Variants in CCDC33 observed in about 807,000 individuals in gnomAD.
CCDC33 encodes coiled-coil domain-containing protein 33.
In CCDC33, 94 loss-of-function variants were observed where a neutral mutation model predicts 91.9. That is an observed-to-expected ratio of 1.02 (90% CI 0.87 to 1.21). The LOEUF is 1.21. Among genes scored for constraint, CCDC33 ranks in the 50% most tolerant of loss-of-function variants. The pLI is 0.00. For synonymous variants in CCDC33, 396 were observed against 374.5 expected (o/e 1.06, Z -0.66); for missense variants, 940 against 935.5 (o/e 1.00, Z -0.06).
Position 74,247,751 on chromosome 15 carries a change from A to C in CCDC33, c.185+3603A>C, listed in dbSNP as rs138783097. ...AGTTTTGGGATGAGTAATTCTGGGG[A>C]TTTAATATGCAGCAGGTGACTCTAG... On this transcript the variant is annotated intron_variant, in intron 2 of 18. Transcript: ENST00000398814. Among the ~76,000 whole-genome samples the C allele has an allele frequency of 3.7e-4, 56 of 152,226 alleles. 3 individuals are homozygous for C. The highest frequency in any genetic ancestry group is 1.3e-3 in the African/African-American group (56 of 41,532).
In CCDC33 at chr15:74,236,505, C is replaced by A. The variant is rs1195626323; in HGVS notation, c.-215C>A. The A allele has an allele frequency of 2.4e-6, 1 of 410,958 alleles. No homozygotes were observed. The highest frequency in any genetic ancestry group is 4.3e-5 in the East Asian group (1 of 23,326). 25.5% of individuals were successfully genotyped at this position (410,958 alleles called of 1,614,324 possible). A position where few individuals can be genotyped will look rare whatever the true frequency, so the allele number is the denominator to read the frequency against. On this transcript the variant is annotated 5_prime_UTR_variant, in exon 1 of 19. Transcript: ENST00000398814. ...CTGAGAGATCCAGGACCTGCTCCCA[C>A]CTGGCCACCCTCCCCCTCCCCCCAC...
In CCDC33 at chr15:74,268,434, C is replaced by A; in HGVS notation, c.522C>A (p.Ile174=). The A allele has an allele frequency of 6.5e-7, 1 of 1,546,850 alleles. No individual in the cohort carries two copies. Among genetic ancestry groups the A allele is most frequent in the Non-Finnish European group, 8.7e-7 (1 of 1,145,850 alleles). ...VRKSSFIPRY[I]GCNHMALEIF... ...AGAGCAGCTTCATACCCCGCTACAT[C>A]GGCTGCAACCACATGGCTCTGGAGG... The change falls in exon 5 of 19, where the codon ATC becomes ATA. Residue 174 remains isoleucine, a synonymous_variant. Coordinates refer to ENST00000398814, the MANE Select transcript of CCDC33 (RefSeq NM_025055.5).
chr15:74,238,223 C>T (rs2075239733), intron 1 of CCDC33, among the ~76,000 whole-genome samples: 1 of 152,102 alleles, frequency 6.6e-6, no homozygotes, highest in African/African-American at 2.4e-5. Context: ...GTCTGGCCAA[C>T]ATGGTGAAAC....
intron 11 of CCDC33, chr15:74,299,834 T>A (rs1206833424): frequency 6.6e-6 from 1 of 152,400 alleles, no homozygotes; most frequent in African/African-American, 2.4e-5. Flanking sequence ...GTCTCCCAAC[T>A]CATCATTTCT....
upstream of CCDC33, among the ~76,000 whole-genome samples, chr15:74,233,209 G>A (rs1181350648): frequency 1.3e-5 from 2 of 152,228 alleles, no homozygotes; most frequent in South Asian, 2.1e-4. Flanking sequence ...GGAGCTGCAA[G>A]TTCACTCCTG....
chr15:74,311,629 T>C (rs1156552676), intron 11 of CCDC33: 2 of 151,912 alleles, frequency 1.3e-5, no homozygotes, highest in Non-Finnish European at 2.9e-5. Flanking sequence ...AAGCTGGTGT[T>C]AGGGGATTTG....
intron 11 of CCDC33, chr15:74,302,292 A>G (rs989141162): frequency 1.3e-5 from 2 of 152,218 alleles, no homozygotes; most frequent in African/African-American, 4.8e-5. Flanking sequence ...GCCCCAGATC[A>G]TGAGTGCAGA....
intron 1 of CCDC33, chr15:74,207,683 G>A: frequency 6.5e-7 from 1 of 1,534,692 alleles, no homozygotes; most frequent in Non-Finnish European, 8.7e-7. Context: ...TGGGGGGATG[G>A]CCACTGTGCC....
chr15:74,228,609 C>A (rs899758111), intron 2 of CCDC33, among the ~76,000 whole-genome samples: 1 of 152,210 alleles, frequency 6.6e-6, no homozygotes, highest in Non-Finnish European at 1.5e-5. Flanking sequence ...CACTCCTTAC[C>A]CCACCCGGAA....
chr15:74,217,581 G>T, exon 1 of CCDC33: 1 of 1,230,014 alleles, frequency 8.1e-7, no homozygotes, highest in Non-Finnish European at 1.0e-6. Context: ...TTTGCCCAAA[G>T]GTATGAAGTA....
At chr15:74,335,306 A>G (rs2060543111) in intron 18 of CCDC33, 1 of 617,042 alleles carries the variant, frequency 1.6e-6, no homozygotes, top group Middle Eastern at 4.3e-4. Context: ...CCCTGCCAAA[A>G]CTACCCTTTC....
At position 74,244,949 on chromosome 15, in the gene CCDC33, C is replaced by A. The variant is rs117214737; in HGVS notation, c.185+801C>A. Among the ~76,000 whole-genome samples the A allele has an allele frequency of 1.3e-5, 2 of 152,186 alleles. No individual in the cohort carries two copies. The highest frequency in any genetic ancestry group is 4.8e-5 in the African/African-American group (2 of 41,454). ...TCCCCTCCCCCACCAATACTGGCAC[C>A]ATTCAGTTCCTGCCAAGAGTCTGTT... On this transcript the variant is annotated intron_variant, in intron 2 of 18. Coordinates refer to ENST00000398814, the MANE Select transcript of CCDC33 (RefSeq NM_025055.5). The surrounding 1 kb of genome is among the most constrained non-coding windows in gnomAD (Gnocchi z 4.2).
intron 11 of CCDC33, among the ~76,000 whole-genome samples, chr15:74,327,896 T>C (rs561737531): frequency 5.3e-5 from 8 of 152,262 alleles, no homozygotes; most frequent in African/African-American, 1.9e-4. Flanking sequence ...TGTGTCAGTA[T>C]AATAAAATCT....
chr15:74,289,720 G>T (rs1197585766), intron 10 of CCDC33, among the ~76,000 whole-genome samples: 1 of 152,138 alleles, frequency 6.6e-6, no homozygotes, highest in East Asian at 1.9e-4. Context: ...TTGGGAGATT[G>T]AGTCTACAGT....
At chr15:74,228,152 G>T (rs552352373) in intron 2 of CCDC33, among the ~76,000 whole-genome samples, 16 of 152,316 alleles carry the variant, frequency 1.1e-4, no homozygotes, top group Non-Finnish European at 1.9e-4. Context: ...CAGTCCCTGG[G>T]TATAGAAGGG....
chr15:74,254,256 C>T (rs1485652975), intron 2 of CCDC33, among the ~76,000 whole-genome samples: 1 of 152,186 alleles, frequency 6.6e-6, no homozygotes, highest in Non-Finnish European at 1.5e-5. Context: ...TGGTCTCGAA[C>T]TCCTGACTTC....
At chr15:74,213,424 A>G (rs906729597), upstream of CCDC33, 2 of 152,206 alleles carry the variant, frequency 1.3e-5, no homozygotes, top group Non-Finnish European at 2.9e-5. Context: ...TTGTCCAGTC[A>G]TATCGCTACA....
chr15:74,227,636 G>A (rs1481534028), intron 2 of CCDC33, among the ~76,000 whole-genome samples: 1 of 152,188 alleles, frequency 6.6e-6, no homozygotes, highest in Non-Finnish European at 1.5e-5. Context: ...TTAGAAAAAA[G>A]TGTTGCATAA....
chr15:74,235,345 G>T (rs998773132), upstream of CCDC33, among the ~76,000 whole-genome samples: 22 of 152,342 alleles, frequency 1.4e-4, no homozygotes, highest in African/African-American at 5.1e-4. Context: ...TCTCTGGAGT[G>T]GGGGTAGAGA....
Sources: gnomAD v4.1 joint callset for allele counts (sites outside exome capture counted in the v4.1 genomes callset) on GRCh38, gnomAD v4.1.1 for gene constraint, Gnocchi (gnomAD v3.1) non-coding constraint, MANE v1.5 for transcripts, NCBI Gene and HGNC (gene_info 2026-07-23, HGNC 2026-07-21) for gene names.